MAGI1: variants seen among roughly 807,000 people sequenced by gnomAD.
MAGI1 encodes the protein membrane associated guanylate kinase, WW and PDZ domain containing 1, also known as membrane-associated guanylate kinase, WW and PDZ domain-containing protein 1.
MAGI1 carries 58 observed loss-of-function variants against 139.9 expected under a neutral mutation model. That is an observed-to-expected ratio of 0.41 (90% CI 0.34 to 0.52). The LOEUF is 0.52. Among genes scored for constraint, MAGI1 ranks in the 20% least tolerant of loss-of-function variants. The pLI is 0.12. For missense variants in MAGI1, 1,874 were observed against 1,901.6 expected (o/e 0.99, Z 0.27); for synonymous variants, 812 against 737.9 (o/e 1.10, Z -1.63).
At chr3:66,019,627 T>C (rs1185560594) in intron 1 of MAGI1, among the ~76,000 whole-genome samples, 12 of 152,162 alleles carry the variant, frequency 7.9e-5, no homozygotes, top group Admixed American at 7.9e-4. Context: ...AAAATAATAA[T>C]AATAAGATAG....
chr3:65,392,167 C>A (rs916063712), intron 13 of MAGI1, among the ~76,000 whole-genome samples: 3 of 152,050 alleles, frequency 2.0e-5, no homozygotes, highest in African/African-American at 7.2e-5. Flanking sequence ...GTTGAATAAC[C>A]AAGTCCTTGT....
intron 1 of MAGI1, among the ~76,000 whole-genome samples, chr3:65,720,688 A>T (rs148089048): frequency 5.4e-4 from 82 of 152,204 alleles, no homozygotes; most frequent in African/African-American, 1.8e-3. Flanking sequence ...GGATAGATAG[A>T]TCTCTCAGGC....
intron 2 of MAGI1, among the ~76,000 whole-genome samples, chr3:65,505,683 A>G (rs2077256809): frequency 6.7e-6 from 1 of 149,200 alleles, no homozygotes. Context: ...ATGACTGCTA[A>G]TAGCTACATG....
chr3:65,474,430 G>T (rs1168784892), intron 4 of MAGI1, among the ~76,000 whole-genome samples: 1 of 152,200 alleles, frequency 6.6e-6, no homozygotes, highest in Admixed American at 6.5e-5. Flanking sequence ...TTGTTCAGTG[G>T]TGTAACAGGT....
intron 2 of MAGI1, among the ~76,000 whole-genome samples, chr3:65,564,877 A>G (rs1346576650): frequency 6.6e-6 from 1 of 152,222 alleles, no homozygotes; most frequent in Non-Finnish European, 1.5e-5. Context: ...CAGAAACACA[A>G]TATGCTTCCA....
At position 65,566,304 on chromosome 3, in the gene MAGI1, T is replaced by C. The variant is rs536179243; in HGVS notation, c.430+55668A>G. On this transcript the variant is annotated intron_variant, in intron 2 of 22. Transcript: ENST00000402939. Reference sequence around the variant, plus strand: ...GGACATAAAGCAAGTTTGGTTAATATAGGCACATGTCACTTATCTACATAT... The same window carrying C: ...GGACATAAAGCAAGTTTGGTTAATACAGGCACATGTCACTTATCTACATAT... 1.8e-4 allele frequency among the ~76,000 whole-genome samples: 28 copies of C among 152,190 alleles called. No individual in the cohort carries two copies. In the South Asian group the frequency reaches 2.9e-3, roughly 16 times the overall value.
intron 1 of MAGI1, among the ~76,000 whole-genome samples, chr3:65,787,563 T>A (rs1242256045): frequency 1.3e-5 from 2 of 149,672 alleles, no homozygotes; most frequent in South Asian, 4.4e-4. Flanking sequence ...CTGAGGGCTA[T>A]ACTAGATGCT....
intron 10 of MAGI1, among the ~76,000 whole-genome samples, chr3:65,431,838 C>T (rs1463001620): frequency 6.6e-6 from 1 of 150,688 alleles, no homozygotes; most frequent in Non-Finnish European, 1.5e-5. Flanking sequence ...AAAAAAAATA[C>T]AAAAATTAGC....
intron 2 of MAGI1, among the ~76,000 whole-genome samples, chr3:65,556,674 A>G (rs2080099611): frequency 6.6e-6 from 1 of 152,218 alleles, no homozygotes; most frequent in South Asian, 2.1e-4. Context: ...CTAGACTACT[A>G]TAATAGCTTT....
At chr3:65,388,263 C>A (rs544126432) in intron 14 of MAGI1, among the ~76,000 whole-genome samples, 5 of 152,194 alleles carry the variant, frequency 3.3e-5, no homozygotes, top group African/African-American at 9.6e-5. Flanking sequence ...TGAAGGAATG[C>A]GTTCACAGAT....
chr3:65,775,504 A>C (rs1181747424), intron 1 of MAGI1, among the ~76,000 whole-genome samples: 171 of 19,462 alleles, frequency 8.8e-3, no homozygotes, highest in African/African-American at 0.038. Flanking sequence ...CACTCTGCCA[A>C]AAAAAAAAAA....
rs13088827 is a variant in MAGI1, at chr3:65,962,400, C to T, written c.313+75596G>A. 5.7e-4 allele frequency among the ~76,000 whole-genome samples: 86 copies of T among 151,988 alleles called. 1 individual carries two copies. Among genetic ancestry groups the T allele is most frequent in the Admixed American group, 5.4e-3 (83 of 15,290 alleles). ...CCTCCCAAAGTGCTAGGATTACAGG[C>T]GTGAGCCACCGCGCCCGGCCTCTGA... On this transcript the variant is annotated intron_variant, in intron 1 of 22. Coordinates refer to ENST00000402939, the MANE Select transcript of MAGI1 (RefSeq NM_001033057.2).
At chr3:66,035,226 G>A (rs2068851420) in intron 1 of MAGI1, among the ~76,000 whole-genome samples, 1 of 152,166 alleles carries the variant, frequency 6.6e-6, no homozygotes, top group South Asian at 2.1e-4. Flanking sequence ...GCACAATCCA[G>A]TCCTGTCACA....
chr3:65,534,607 G>A (rs1050158151), intron 2 of MAGI1, among the ~76,000 whole-genome samples: 3 of 152,180 alleles, frequency 2.0e-5, no homozygotes, highest in African/African-American at 7.2e-5. Context: ...ACAGTTCGCT[G>A]AGAGCTAACA....
At chr3:65,848,218 C>T (rs938625164) in intron 1 of MAGI1, among the ~76,000 whole-genome samples, 1 of 152,188 alleles carries the variant, frequency 6.6e-6, no homozygotes, top group Non-Finnish European at 1.5e-5. Flanking sequence ...TGGGGAACTG[C>T]ATGTTATCCT....
Position 65,878,305 on chromosome 3 carries a change from T to A in MAGI1, c.313+159691A>T, listed in dbSNP as rs547801873. Reference sequence around the variant, plus strand: ...GCCAAGGCGGGCAGATCACCTGATATCAGGTGTTCAAGACCAGCCTGGCCA... The same window carrying A: ...GCCAAGGCGGGCAGATCACCTGATAACAGGTGTTCAAGACCAGCCTGGCCA... On this transcript the variant is annotated intron_variant, in intron 1 of 22. Transcript: ENST00000402939. Among the ~76,000 whole-genome samples, 5 of 151,944 alleles carry A rather than the reference T, an allele frequency of 3.3e-5. No individual in the cohort carries two copies. In the South Asian group the frequency reaches 1.0e-3, roughly 32 times the overall value.
intron 1 of MAGI1, among the ~76,000 whole-genome samples, chr3:65,885,851 C>T (rs550216120): frequency 1.1e-4 from 16 of 152,016 alleles, no homozygotes; most frequent in African/African-American, 1.7e-4. Context: ...TAACACAGTA[C>T]GAAATGGTTA....
intron 1 of MAGI1, among the ~76,000 whole-genome samples, chr3:66,007,635 C>G (rs935321100): frequency 1.3e-5 from 2 of 152,122 alleles, no homozygotes; most frequent in Non-Finnish European, 2.9e-5. Flanking sequence ...CTGATGCTTC[C>G]GAGGAAACAT....
intron 2 of MAGI1, among the ~76,000 whole-genome samples, chr3:65,524,924 T>C (rs922240936): frequency 6.6e-6 from 1 of 152,098 alleles, no homozygotes; most frequent in Non-Finnish European, 1.5e-5. Flanking sequence ...CTGCAAATGG[T>C]ACCCTTTAGA....
Sources: allele counts gnomAD v4.1 joint callset (sites outside exome capture counted in the v4.1 genomes callset), GRCh38; gene constraint gnomAD v4.1.1; transcripts MANE v1.5; gene names NCBI Gene and HGNC (gene_info 2026-07-23, HGNC 2026-07-21).